The following PTPRT variants were observed in gnomAD, a reference collection of about 807,000 sequenced individuals.
The protein encoded by PTPRT is protein tyrosine phosphatase receptor type T.
A neutral mutation model predicts 176.8 loss-of-function variants in PTPRT; 56 were observed. The ratio of observed to expected loss-of-function variants is 0.32; its 90% CI spans 0.26 to 0.40. The LOEUF (loss-of-function observed/expected upper bound fraction) is 0.40. Ranked by LOEUF, PTPRT falls within the 10% of genes least tolerant of loss-of-function variation. PTPRT has a pLI of 1.00. For synonymous variants in PTPRT, 783 were observed against 739.0 expected (o/e 1.06, Z -0.96); for missense variants, 1,540 against 1,908.2 (o/e 0.81, Z 3.60).
intron 9 of PTPRT, among the ~76,000 whole-genome samples, chr20:42,430,737 A>C (rs991201689): frequency 6.6e-6 from 1 of 152,180 alleles, no homozygotes. Flanking sequence ...TTGATGAGGC[A>C]AGAGTGTCTC....
At chr20:42,656,636 C>T (rs1327844363) in intron 7 of PTPRT, among the ~76,000 whole-genome samples, 1 of 152,032 alleles carries the variant, frequency 6.6e-6, no homozygotes, top group Non-Finnish European at 1.5e-5. Flanking sequence ...GCTCACTGAC[C>T]CAGCAAGGAC....
rs748333084 is a variant in PTPRT at position 42,996,407 on chromosome 20, G to C, written c.89-110475C>G. ...ATAGCATATGTGAACCCAAACATGG[G>C]GTAAAGAAGAAAAGAAGGAAGGAGG... On this transcript the variant is annotated intron_variant, in intron 1 of 30. Coordinates refer to ENST00000373187, the MANE Select transcript of PTPRT (RefSeq NM_007050.6). 6.0e-4 allele frequency among the ~76,000 whole-genome samples: 91 copies of C among 152,120 alleles called. 1 individual carries two copies. The highest frequency in any genetic ancestry group is 3.3e-4 in the Admixed American group (5 of 15,278).
intron 1 of PTPRT, among the ~76,000 whole-genome samples, chr20:43,108,022 AG>A (rs1378014037): frequency 1.4e-3 from 214 of 152,312 alleles, no homozygotes; most frequent in African/African-American, 5.0e-3. Flanking sequence ...TATTTTTCAA[AG>A]ATGGTTGCAA....
intron 7 of PTPRT, among the ~76,000 whole-genome samples, chr20:42,633,816 T>TAA (rs2074472996): frequency 3.1e-5 from 2 of 64,082 alleles, no homozygotes; most frequent in South Asian, 7.8e-4. Context: ...TATATATATA[T>TAA]ATAATAAAAT....
intron 9 of PTPRT, among the ~76,000 whole-genome samples, chr20:42,360,279 C>T (rs549738406): frequency 6.6e-6 from 1 of 152,266 alleles, no homozygotes; most frequent in Admixed American, 6.5e-5. Context: ...TCTGGCCCCT[C>T]CAATCCTTAG....
intron 7 of PTPRT, among the ~76,000 whole-genome samples, chr20:42,609,071 CTT>C (rs926938123): frequency 2.0e-5 from 3 of 152,070 alleles, no homozygotes; most frequent in South Asian, 4.2e-4. Context: ...CACTCCAACA[CTT>C]TTTTTTCTTT....
chr20:42,556,921 C>A lies in PTPRT; in HGVS notation c.1154-84359G>T, dbSNP rs949429559. Among the ~76,000 whole-genome samples the A allele has an allele frequency of 1.3e-4, 20 of 152,128 alleles. 1 individual carries two copies. Among genetic ancestry groups the A allele is most frequent in the African/African-American group, 4.6e-4 (19 of 41,422 alleles). On this transcript the variant is annotated intron_variant, in intron 7 of 30. Transcript: ENST00000373187. Reference sequence around the variant, plus strand: ...TTCAATCAGAAAGAGCTACTCCGCACCAGGGTCTGAGACCACCACCAGCCA... The same window carrying A: ...TTCAATCAGAAAGAGCTACTCCGCAACAGGGTCTGAGACCACCACCAGCCA...
chr20:42,702,024 G>A (rs1054850037), intron 6 of PTPRT, among the ~76,000 whole-genome samples: 8 of 151,912 alleles, frequency 5.3e-5, no homozygotes, highest in African/African-American at 9.7e-5. Flanking sequence ...ACCCTAACCC[G>A]ACTCTAATCC....
intron 2 of PTPRT, among the ~76,000 whole-genome samples, chr20:42,806,718 G>C (rs1479884912): frequency 2.0e-5 from 3 of 152,162 alleles, no homozygotes; most frequent in Admixed American, 6.5e-5. Context: ...ATGAGGCTGT[G>C]TTCCAACAAA....
At chr20:43,064,314 G>A (rs767014110) in intron 1 of PTPRT, among the ~76,000 whole-genome samples, 1 of 152,096 alleles carries the variant, frequency 6.6e-6, no homozygotes, top group East Asian at 1.9e-4. Flanking sequence ...CCACAAGATG[G>A]GAAATCTTTA....
At chr20:42,569,573 G>A (rs984370313) in intron 7 of PTPRT, among the ~76,000 whole-genome samples, 2 of 152,094 alleles carry the variant, frequency 1.3e-5, no homozygotes, top group African/African-American at 4.8e-5. Flanking sequence ...ACTCCTGCCT[G>A]CTCCTCTCCA....
At chr20:43,079,612 C>G (rs2011382597) in intron 1 of PTPRT, among the ~76,000 whole-genome samples, 1 of 152,038 alleles carries the variant, frequency 6.6e-6, no homozygotes, top group African/African-American at 2.4e-5. Flanking sequence ...TAGGTTAAAT[C>G]CTAGATGTAT....
intron 2 of PTPRT, among the ~76,000 whole-genome samples, chr20:42,842,241 G>A (rs886503733): frequency 6.6e-6 from 1 of 152,122 alleles, no homozygotes; most frequent in African/African-American, 2.4e-5. Context: ...GCTGCACTGC[G>A]AACATCCCCA....
intron 15 of PTPRT, among the ~76,000 whole-genome samples, chr20:42,210,009 A>G (rs1250195676): frequency 1.3e-5 from 2 of 152,216 alleles, no homozygotes; most frequent in Non-Finnish European, 2.9e-5. Context: ...AAATCAATAA[A>G]TGTAATCCAG....
intron 1 of PTPRT, among the ~76,000 whole-genome samples, chr20:42,962,308 G>C (rs562428067): frequency 6.6e-6 from 1 of 152,324 alleles, no homozygotes; most frequent in Non-Finnish European, 1.5e-5. Context: ...AAAGAGCACT[G>C]AAACTTTAGC....
chr20:42,836,643 G>C (rs2145711392), intron 2 of PTPRT, among the ~76,000 whole-genome samples: 1 of 152,244 alleles, frequency 6.6e-6, no homozygotes, highest in African/African-American at 2.4e-5. Context: ...GCCGAGCTTT[G>C]GAACCAAACA....
chr20:42,878,783 C>T (rs1158639573), intron 2 of PTPRT, among the ~76,000 whole-genome samples: 1 of 152,184 alleles, frequency 6.6e-6, no homozygotes, highest in African/African-American at 2.4e-5. Flanking sequence ...AATCCCAGCA[C>T]TTTGGGAGGC....
rs137872887 is a variant in PTPRT at position 43,061,584 on chromosome 20, A to C, written c.88+128062T>G. Among the ~76,000 whole-genome samples, 1,000 of 152,274 alleles carry C rather than the reference A, an allele frequency of 6.6e-3. 10 individuals are homozygous for C. The highest frequency in any genetic ancestry group is 0.023 in the African/African-American group (971 of 41,538). ...CTATGAAGTGGTGTCCACCATCTGG[A>C]GCTCATGCCTGTGGTTTGGTGCATA... is the stretch of plus-strand genomic sequence containing the variant. On this transcript the variant is annotated intron_variant, in intron 1 of 30. Transcript: ENST00000373187.
At chr20:42,345,500 A>G (rs2058177325) in intron 11 of PTPRT, among the ~76,000 whole-genome samples, 1 of 149,202 alleles carries the variant, frequency 6.7e-6, no homozygotes, top group African/African-American at 2.4e-5. Flanking sequence ...ACACATATAT[A>G]TAAAACTAGT....
Sources: allele counts gnomAD v4.1 joint callset (sites outside exome capture counted in the v4.1 genomes callset), GRCh38; gene constraint gnomAD v4.1.1; transcripts MANE v1.5; gene names NCBI Gene and HGNC (gene_info 2026-07-23, HGNC 2026-07-21).